TMPRSS11F: variants seen among roughly 807,000 people sequenced by gnomAD.
TMPRSS11F encodes transmembrane protease serine 11F.
A neutral mutation model predicts 60.2 loss-of-function variants in TMPRSS11F; 47 were observed. The ratio of observed to expected loss-of-function variants is 0.78; its 90% confidence interval spans 0.62 to 1.00. The LOEUF (loss-of-function observed/expected upper bound fraction) is 1.00. TMPRSS11F is among the 50% of genes least tolerant of loss of function. TMPRSS11F has a pLI of 0.00. For missense variants in TMPRSS11F, 519 were observed against 522.9 expected (o/e 0.99, Z 0.07); for synonymous variants, 166 against 167.3 (o/e 0.99, Z 0.06).
At chr4:68,062,078 T>C in intron 8 of TMPRSS11F, 1 of 451,948 alleles carries the variant, frequency 2.2e-6, no homozygotes, top group East Asian at 7.0e-5. Context: ...TGACTTACGA[T>C]AGGGTTGGAG....
chr4:68,070,339 C>G lies in TMPRSS11F; in HGVS notation c.515-332G>C, dbSNP rs1048402445. Among the ~76,000 whole-genome samples, 14 of 152,262 alleles carry G rather than the reference C, an allele frequency of 9.2e-5. 1 individual carries two copies. The highest frequency in any genetic ancestry group is 3.1e-4 in the African/African-American group (13 of 41,562). On this transcript the variant is annotated intron_variant, in intron 5 of 9. Transcript: ENST00000356291. ...CTTTCTTTGGGGGCTCCAGTATAAT[C>G]TGAGGCAGCAACCTCCAATTCCCAT...
intron 1 of TMPRSS11F, among the ~76,000 whole-genome samples, chr4:68,114,902 A>G (rs1724483496): frequency 6.6e-6 from 1 of 151,734 alleles, no homozygotes; most frequent in African/African-American, 2.4e-5. Context: ...AGACCAAAAA[A>G]CAAAACAGAA....
intron 1 of TMPRSS11F, among the ~76,000 whole-genome samples, chr4:68,113,879 GT>G (rs1182681392): frequency 6.6e-6 from 1 of 151,808 alleles, no homozygotes; most frequent in Non-Finnish European, 1.5e-5. Context: ...GCACAATTTG[GT>G]TCATAAACAC....
At chr4:68,067,501 AAG>A (rs1231330428) in intron 7 of TMPRSS11F, among the ~76,000 whole-genome samples, 1 of 151,304 alleles carries the variant, frequency 6.6e-6, no homozygotes, top group Non-Finnish European at 1.5e-5. Flanking sequence ...AATTTACATA[AAG>A]AGAGATCAGT....
chr4:68,090,044 G>A (rs1723891740), intron 3 of TMPRSS11F, among the ~76,000 whole-genome samples: 1 of 151,906 alleles, frequency 6.6e-6, no homozygotes, highest in Non-Finnish European at 1.5e-5. Flanking sequence ...CAAATAACTT[G>A]ATAAATACAT....
intron 3 of TMPRSS11F, among the ~76,000 whole-genome samples, chr4:68,077,894 G>A (rs528308767): frequency 3.2e-4 from 48 of 152,168 alleles, no homozygotes; most frequent in Non-Finnish European, 5.6e-4. Flanking sequence ...GCGGTGTGCC[G>A]GCAGACTCCA....
chr4:68,097,607 C>T (rs10024312), intron 2 of TMPRSS11F, among the ~76,000 whole-genome samples: 46,253 of 151,934 alleles, frequency 0.3, 7,164 homozygotes, highest in East Asian at 0.49. Context: ...AGGACATGGA[C>T]ATCTTGGCAT....
intron 2 of TMPRSS11F, among the ~76,000 whole-genome samples, chr4:68,093,647 C>T (rs201922363): frequency 6.6e-6 from 1 of 151,776 alleles, no homozygotes; most frequent in Non-Finnish European, 1.5e-5. Context: ...GCAACCTACT[C>T]GTCTGACAAA....
At chr4:68,074,360 G>GT (rs1447498369) in intron 3 of TMPRSS11F, among the ~76,000 whole-genome samples, 1 of 152,142 alleles carries the variant, frequency 6.6e-6, no homozygotes, top group Non-Finnish European at 1.5e-5. Context: ...ACCTTGTCTG[G>GT]TATCTACTAA....
chr4:68,116,790 A>T (rs1724529533), intron 1 of TMPRSS11F, among the ~76,000 whole-genome samples: 1 of 152,222 alleles, frequency 6.6e-6, no homozygotes, highest in Non-Finnish European at 1.5e-5. Context: ...AAACATCCAC[A>T]TGCAGAAGAA....
At chr4:68,072,595 T>C in intron 4 of TMPRSS11F, 109 bp from the exon 5 acceptor site, 1 of 715,206 alleles carries the variant, frequency 1.4e-6, no homozygotes, top group African/African-American at 1.8e-5. Flanking sequence ...TACATGTGCA[T>C]ACCAGATTTT....
chr4:68,090,549 C>A lies in TMPRSS11F; in HGVS notation c.256G>T (p.Glu86Ter). Residue 86 changes from glutamate (E) to a stop codon, truncating the protein, a stop_gained, in exon 3 of 10, where the codon GAA (glutamate) becomes TAA (stop). Coordinates refer to ENST00000356291, the MANE Select transcript of TMPRSS11F (RefSeq NM_207407.2). LOFTEE classifies it high-confidence loss of function. ...YGIRSSREFIERSHQIERMMS... is the reference protein window; with the variant it reads ...YGIRSSREFI ...ATTCTTTCAATCTGATGACTCCTTT[C>A]TATAAACTCTCTTGAAGATCTTATG... The A allele has an allele frequency of 6.3e-7, 1 of 1,597,002 alleles. No homozygotes were observed. The highest frequency in any genetic ancestry group is 1.7e-4 in the Middle Eastern group (1 of 5,948).
chr4:68,083,009 G>A (rs1234607726), intron 3 of TMPRSS11F, among the ~76,000 whole-genome samples: 2 of 152,160 alleles, frequency 1.3e-5, no homozygotes, highest in Non-Finnish European at 1.5e-5. Flanking sequence ...TTGGGTGAGG[G>A]AGAACAAGCT....
chr4:68,064,842 A>T lies in TMPRSS11F; in HGVS notation c.858T>A (p.His286Gln), dbSNP rs1353037537. ...CAATGTCATTTTCATTTGTTTCTCT[A>T]TGGTAATTCTCATGAAGAATAATTT... is the stretch of plus-strand genomic sequence containing the variant. ...VRKIILHENY[H>Q]RETNENDIAL... The change falls in exon 8 of 10, where the codon CAT becomes CAA. Residue 286 changes from histidine to glutamine, a missense_variant. By Grantham distance (24) the His-to-Gln change is conservative. Transcript: ENST00000356291. 6.2e-7 allele frequency: 1 copy of T among 1,614,126 alleles called. No homozygotes were observed. Among genetic ancestry groups the T allele is most frequent in the Non-Finnish European group, 8.5e-7 (1 of 1,179,996 alleles).
At chr4:68,098,432 T>C (rs1023198871) in intron 2 of TMPRSS11F, among the ~76,000 whole-genome samples, 1 of 152,226 alleles carries the variant, frequency 6.6e-6, no homozygotes, top group African/African-American at 2.4e-5. Context: ...TACTGAGCTT[T>C]TCCTTCTTCC....
chr4:68,095,153 T>C (rs901123280), intron 2 of TMPRSS11F, among the ~76,000 whole-genome samples: 1 of 151,238 alleles, frequency 6.6e-6, no homozygotes, highest in African/African-American at 2.4e-5. Context: ...TACATCATCA[T>C]AATACATAAA....
rs140698442 is a variant in TMPRSS11F, at chr4:68,077,042, AG to A, written c.283-3034del. The stretch of plus-strand genomic sequence containing the variant: ...ATACGCAGGCTGCCACACCAAAGCC[AG>A]GGGGCAACCATGTAGACTACAAAGG... On this transcript the variant is annotated intron_variant, in intron 3 of 9. Transcript: ENST00000356291. 5.0e-3 allele frequency among the ~76,000 whole-genome samples: 758 copies of A among 152,324 alleles called. 7 individuals are homozygous for A. The highest frequency in any genetic ancestry group is 0.018 in the African/African-American group (737 of 41,578).
chr4:68,086,666 T>G (rs1723821044), intron 3 of TMPRSS11F, among the ~76,000 whole-genome samples: 1 of 151,968 alleles, frequency 6.6e-6, no homozygotes, highest in African/African-American at 2.4e-5. Flanking sequence ...ATAAATACAA[T>G]CAGAAATGAC....
intron 8 of TMPRSS11F, chr4:68,062,992 T>TGTACTTTCACTACAAGACATTTCTGAC (rs778567826): frequency 5.0e-5 from 35 of 693,850 alleles, no homozygotes; most frequent in Non-Finnish European, 9.6e-5. Flanking sequence ...GACATGCGGA[T>TGTACTTTCACTACAAGACATTTCTGAC]GTACTTTCAC....
Sources: allele counts gnomAD v4.1 joint callset (sites outside exome capture counted in the v4.1 genomes callset), GRCh38; gene constraint gnomAD v4.1.1; transcripts MANE v1.5; gene names NCBI Gene and HGNC (gene_info 2026-07-23, HGNC 2026-07-21).